The following MARCHF1 variants were observed in gnomAD, a reference collection of about 807,000 sequenced individuals.
MARCHF1 encodes the protein membrane associated ring-CH-type finger 1.
MARCHF1 carries 40 observed loss-of-function variants against 54.2 expected under a neutral mutation model. The ratio of observed to expected loss-of-function variants is 0.74; its 90% CI spans 0.57 to 0.96. MARCHF1 has a LOEUF of 0.96. MARCHF1 is among the 40% of genes least tolerant of loss of function. The pLI is 0.00. For missense variants in MARCHF1, 586 were observed against 656.5 expected (o/e 0.89, Z 1.17); for synonymous variants, 236 against 236.3 (o/e 1.00, Z 0.01).
chr4:163,892,137 T>G (rs1750675044), intron 3 of MARCHF1, among the ~76,000 whole-genome samples: 1 of 152,176 alleles, frequency 6.6e-6, no homozygotes. Flanking sequence ...TAGATTCACA[T>G]TTTAAGTTAA....
chr4:164,309,927 ATG>A (rs1734802147), intron 1 of MARCHF1, among the ~76,000 whole-genome samples: 1 of 152,068 alleles, frequency 6.6e-6, no homozygotes, highest in Non-Finnish European at 1.5e-5. Context: ...ATCAAGAATG[ATG>A]TGTGAAACCA....
intron 1 of MARCHF1, among the ~76,000 whole-genome samples, chr4:164,128,711 T>C (rs768862333): frequency 6.6e-6 from 1 of 152,168 alleles, no homozygotes; most frequent in Non-Finnish European, 1.5e-5. Context: ...GATTTACCCA[T>C]TGACTCAGCA....
At chr4:163,536,833 A>G (rs751412826) in intron 9 of MARCHF1, among the ~76,000 whole-genome samples, 10 of 152,160 alleles carry the variant, frequency 6.6e-5, no homozygotes, top group South Asian at 4.2e-4. Context: ...TTCACAAGGT[A>G]TCTCTGAATC....
At chr4:163,785,482 A>T (rs1272180241) in intron 4 of MARCHF1, among the ~76,000 whole-genome samples, 1 of 152,020 alleles carries the variant, frequency 6.6e-6, no homozygotes, top group Non-Finnish European at 1.5e-5. Flanking sequence ...GTTCCCATGT[A>T]GCCAGAATCA....
intron 4 of MARCHF1, among the ~76,000 whole-genome samples, chr4:163,772,499 T>C (rs1162244281): frequency 6.6e-6 from 1 of 152,174 alleles, no homozygotes; most frequent in Non-Finnish European, 1.5e-5. Flanking sequence ...GCCCATCTAA[T>C]TCTTCATGCA....
chr4:164,271,403 G>A (rs1733742684), intron 1 of MARCHF1, among the ~76,000 whole-genome samples: 1 of 152,156 alleles, frequency 6.6e-6, no homozygotes, highest in Non-Finnish European at 1.5e-5. Context: ...GCTTTAAAAA[G>A]AGAGAGGAGA....
At chr4:163,656,752 T>C (rs10031951) in intron 5 of MARCHF1, among the ~76,000 whole-genome samples, 1,963 of 152,154 alleles carry the variant, frequency 0.013, 45 homozygotes, top group African/African-American at 0.044. Context: ...TGGTTCAACA[T>C]ACACAAATCA....
chr4:163,612,548 G>A lies in MARCHF1; in HGVS notation c.733C>T (p.Pro245Ser). ...GKHTRYQECN[P>S]SLTQGSSEIK... is the part of the protein sequence containing the mutation. ...TCAGAGGACCCTTGAGTCAGAGAAG[G>A]GTTGCATTCTTGGTACCTTGTATGT... is the stretch of plus-strand genomic sequence containing the variant. The change falls in exon 7 of 10, where the codon CCT becomes TCT. Residue 245 changes from proline (P) to serine (S), a missense_variant. Transcript: ENST00000514618. 1 of 1,535,430 alleles carries A rather than the reference G, an allele frequency of 6.5e-7. No homozygotes were observed. The highest frequency in any genetic ancestry group is 1.2e-5 in the South Asian group (1 of 84,044).
rs753652560 is a variant in MARCHF1, at chr4:164,300,765, G to A, written c.-323+83105C>T. The stretch of plus-strand genomic sequence containing the variant: ...CATGTTGTCCAGGCTGGTTTGGAAT[G>A]CCTGAGCTAAAGTGATCTGTTTGCC... On this transcript the variant is annotated intron_variant, in intron 1 of 9. Transcript: ENST00000514618. Among the ~76,000 whole-genome samples the A allele has an allele frequency of 9.3e-4, 142 of 152,218 alleles. 1 individual carries two copies. The highest frequency in any genetic ancestry group is 1.9e-3 in the Non-Finnish European group (127 of 68,006).
At chr4:164,051,237 CAG>C (rs1754358163) in intron 2 of MARCHF1, among the ~76,000 whole-genome samples, 2 of 152,086 alleles carry the variant, frequency 1.3e-5, no homozygotes, top group Admixed American at 1.3e-4. Context: ...TGTACGGAAA[CAG>C]AATAAATATC....
At chr4:163,633,165 T>C (rs962609541) in intron 5 of MARCHF1, among the ~76,000 whole-genome samples, 2 of 152,014 alleles carry the variant, frequency 1.3e-5, no homozygotes, top group African/African-American at 2.4e-5. Context: ...ACAGAAAAAC[T>C]GGAAACTCTA....
intron 2 of MARCHF1, among the ~76,000 whole-genome samples, chr4:164,101,796 C>G (rs922473885): frequency 3.3e-5 from 5 of 149,988 alleles, no homozygotes; most frequent in African/African-American, 9.7e-5. Context: ...AAGAAGGCTT[C>G]AGACGATCAA....
At chr4:163,664,404 G>T (rs1300529239) in intron 5 of MARCHF1, among the ~76,000 whole-genome samples, 1 of 152,054 alleles carries the variant, frequency 6.6e-6, no homozygotes, top group Middle Eastern at 3.2e-3. Context: ...AGGCAGAGAG[G>T]CCCCTTTTTC....
chr4:164,080,278 C>T (rs552745425), intron 2 of MARCHF1, among the ~76,000 whole-genome samples: 9 of 152,224 alleles, frequency 5.9e-5, no homozygotes, highest in South Asian at 2.1e-4. Context: ...TGACTGCTGG[C>T]GAGACCAGCA....
intron 3 of MARCHF1, among the ~76,000 whole-genome samples, chr4:163,953,430 T>C (rs1159752184): frequency 6.6e-6 from 1 of 152,152 alleles, no homozygotes; most frequent in East Asian, 1.9e-4. Flanking sequence ...CAAGATGAAA[T>C]ATATAAAATG....
At chr4:164,158,676 T>A (rs973583393) in intron 1 of MARCHF1, among the ~76,000 whole-genome samples, 2 of 151,974 alleles carry the variant, frequency 1.3e-5, no homozygotes, top group African/African-American at 4.8e-5. Context: ...AAATAAACAG[T>A]GAAAGAAGGC....
At chr4:163,894,529 C>T (rs1750732284) in intron 3 of MARCHF1, among the ~76,000 whole-genome samples, 1 of 141,318 alleles carries the variant, frequency 7.1e-6, no homozygotes. Flanking sequence ...AATAATTTTG[C>T]TGAAAGATAA....
chr4:164,297,648 A>T (rs1379747784), intron 1 of MARCHF1, among the ~76,000 whole-genome samples: 3 of 149,510 alleles, frequency 2.0e-5, no homozygotes, highest in Admixed American at 1.3e-4. Flanking sequence ...TAGTGAAAAA[A>T]GTAGTGAACT....
intron 2 of MARCHF1, among the ~76,000 whole-genome samples, chr4:164,002,208 T>C (rs139097546): frequency 2.0e-5 from 3 of 151,678 alleles, no homozygotes; most frequent in South Asian, 4.1e-4. Flanking sequence ...TGACTAGATA[T>C]ACAAAGAAGA....
Sources: gnomAD v4.1 joint callset for allele counts (sites outside exome capture counted in the v4.1 genomes callset) on GRCh38, gnomAD v4.1.1 for gene constraint, MANE v1.5 for transcripts, NCBI Gene and HGNC (gene_info 2026-07-23, HGNC 2026-07-21) for gene names.